Variants in RNF212 observed in about 807,000 individuals in gnomAD.
The protein encoded by RNF212 is ring finger protein 212.
Under a neutral mutation model 34.7 loss-of-function variants are expected in RNF212, and 33 were observed. The ratio of observed to expected loss-of-function variants is 0.95; its 90% confidence interval spans 0.72 to 1.27. RNF212 has a LOEUF of 1.27. RNF212 is among the 50% of genes most tolerant of loss of function. The pLI is 0.00. For synonymous variants in RNF212, 140 were observed against 136.1 expected, an observed-to-expected ratio of 1.03 and a Z score of -0.20; for missense variants, 377 against 362.2, an observed-to-expected ratio of 1.04 and a Z score of -0.33.
intron 3 of RNF212, among the ~76,000 whole-genome samples, chr4:1,059,691 T>A (rs1232146620): frequency 6.6e-6 from 1 of 152,246 alleles, no homozygotes; most frequent in East Asian, 1.9e-4. Flanking sequence ...TCCGTCAGCC[T>A]CACACCAGTG....
At chr4:1,106,196 T>C (rs1218371833) in intron 2 of RNF212, among the ~76,000 whole-genome samples, 3 of 151,822 alleles carry the variant, frequency 2.0e-5, no homozygotes, top group Non-Finnish European at 2.9e-5. Context: ...CGGTCTGTGA[T>C]GGTTTAGAGA....
intron 3 of RNF212, among the ~76,000 whole-genome samples, chr4:1,062,500 C>T (rs1717813362): frequency 6.6e-6 from 1 of 152,184 alleles, no homozygotes; most frequent in South Asian, 2.1e-4. Context: ...CACTTCTCAA[C>T]CCTATAAAGG....
intron 2 of RNF212, among the ~76,000 whole-genome samples, chr4:1,099,363 A>G (rs1723563512): frequency 6.6e-6 from 1 of 152,256 alleles, no homozygotes; most frequent in African/African-American, 2.4e-5. Flanking sequence ...AATTCCTGAT[A>G]GAAGCACAGA....
chr4:1,112,592 G>A (rs1402420488), intron 1 of RNF212, among the ~76,000 whole-genome samples: 1 of 151,864 alleles, frequency 6.6e-6, no homozygotes, highest in Non-Finnish European at 1.5e-5. Context: ...CGTTAAGGTT[G>A]CCGCCTGCCC....
intron 4 of RNF212, among the ~76,000 whole-genome samples, chr4:1,089,243 T>C (rs977483605): frequency 1.3e-5 from 2 of 152,196 alleles, no homozygotes; most frequent in African/African-American, 4.8e-5. Context: ...GGAGCCCCCC[T>C]ACCCTTAAAT....
intron 8 of RNF212, among the ~76,000 whole-genome samples, chr4:1,073,958 A>C (rs1287424326): frequency 2.6e-5 from 4 of 152,078 alleles, no homozygotes; most frequent in East Asian, 3.9e-4. Flanking sequence ...GTGAAAAAAA[A>C]CAAAATTTGC....
intron 4 of RNF212, among the ~76,000 whole-genome samples, chr4:1,090,509 T>C (rs1443405514): frequency 6.6e-6 from 1 of 152,210 alleles, no homozygotes; most frequent in Non-Finnish European, 1.5e-5. Flanking sequence ...GCCCCAGTGT[T>C]GCCCCAGGTG....
chr4:1,095,015 T>C (rs1291693101), intron 3 of RNF212, among the ~76,000 whole-genome samples: 1 of 152,148 alleles, frequency 6.6e-6, no homozygotes, highest in Non-Finnish European at 1.5e-5. Flanking sequence ...TGATCAAATA[T>C]CTTCAAAGGA....
At chr4:1,106,838 C>A (rs1030612340) in intron 2 of RNF212, among the ~76,000 whole-genome samples, 22 of 152,332 alleles carry the variant, frequency 1.4e-4, no homozygotes, top group African/African-American at 5.3e-4. Context: ...ACATTTATAT[C>A]TTTTGCCCTT....
chr4:1,067,561 T>TA (rs1386751955), downstream of RNF212, among the ~76,000 whole-genome samples: 2 of 151,808 alleles, frequency 1.3e-5, no homozygotes, highest in Non-Finnish European at 2.9e-5. Context: ...AATCCCACCG[T>TA]AAAAAATAAT....
intron 2 of RNF212, among the ~76,000 whole-genome samples, chr4:1,104,479 G>T (rs1309309376): frequency 6.6e-6 from 1 of 152,212 alleles, no homozygotes; most frequent in Non-Finnish European, 1.5e-5. Context: ...TGTCCAGGAG[G>T]CTGTTTTTAT....
intron 5 of RNF212, chr4:1,085,589 G>A (rs1721034189): frequency 1.2e-5 from 6 of 486,284 alleles, no homozygotes; most frequent in Non-Finnish European, 3.7e-6. Context: ...CACCTGTGCT[G>A]GGTCACTCTG....
intron 3 of RNF212, among the ~76,000 whole-genome samples, chr4:1,091,205 C>A (rs907593250): frequency 2.6e-5 from 4 of 152,184 alleles, no homozygotes; most frequent in African/African-American, 7.2e-5. Flanking sequence ...GGAAAGAGAG[C>A]CGGCACACAG....
chr4:1,086,023 T>C (rs1721106852), intron 4 of RNF212, 69 bp from the exon 5 acceptor site: 1 of 1,156,474 alleles, frequency 8.6e-7, no homozygotes, highest in Non-Finnish European at 1.3e-6. Flanking sequence ...CCTCTAAATT[T>C]CTTAAACCTT....
At chr4:1,097,017 C>T (rs867471637) in intron 2 of RNF212, among the ~76,000 whole-genome samples, 178 bp from the exon 3 acceptor site, 1 of 152,212 alleles carries the variant, frequency 6.6e-6, no homozygotes, top group Admixed American at 6.5e-5. Context: ...GACAGCCCCT[C>T]GTCCTGGCCA....
Position 1,073,671 on chromosome 4 carries a change from G to A in RNF212, c.511-9C>T, listed in dbSNP as rs765092668. Reference sequence around the variant, plus strand: ...CCGGCTGCTATCTCAGACTAAGAATGCAACAAGAAAACAATGGGTAAAATT... The same window carrying A: ...CCGGCTGCTATCTCAGACTAAGAATACAACAAGAAAACAATGGGTAAAATT... On this transcript the variant is annotated splice_polypyrimidine_tract_variant and intron_variant, in intron 8 of 9. Coordinates refer to ENST00000433731, the MANE Select transcript of RNF212 (RefSeq NM_001131034.4). 9 of 1,604,420 alleles carry A rather than the reference G, an allele frequency of 5.6e-6. No homozygotes were observed. In the South Asian group the frequency reaches 7.7e-5, roughly 14 times the overall value.
At chr4:1,067,728 G>A (rs1259308892), downstream of RNF212, among the ~76,000 whole-genome samples, 3 of 152,152 alleles carry the variant, frequency 2.0e-5, no homozygotes, top group East Asian at 5.8e-4. Flanking sequence ...GCCGGGTGAG[G>A]TGCTGCACGC....
At chr4:1,092,539 A>G (rs892298827) in intron 3 of RNF212, among the ~76,000 whole-genome samples, 15 of 152,220 alleles carry the variant, frequency 9.9e-5, no homozygotes, top group Non-Finnish European at 8.8e-5. Context: ...GTTGGGGCCC[A>G]GAGACTTGAG....
intron 3 of RNF212, among the ~76,000 whole-genome samples, chr4:1,093,015 G>A (rs1482557851): frequency 3.2e-5 from 1 of 31,664 alleles, no homozygotes; most frequent in African/African-American, 5.7e-5. Context: ...CAGTGCTGAC[G>A]CAGCCTGTGG....
Sources: allele counts gnomAD v4.1 joint callset (sites outside exome capture counted in the v4.1 genomes callset), GRCh38; gene constraint gnomAD v4.1.1; transcripts MANE v1.5; gene names NCBI Gene and HGNC (gene_info 2026-07-23, HGNC 2026-07-21).